The following RPS6KA2 variants were observed in gnomAD, a reference collection of about 807,000 sequenced individuals.
RPS6KA2 encodes ribosomal protein S6 kinase A2, also known as ribosomal protein S6 kinase alpha-2.
RPS6KA2 carries 42 observed loss-of-function variants against 91.8 expected under a neutral mutation model. The ratio of observed to expected loss-of-function variants is 0.46; its 90% CI spans 0.36 to 0.59. The LOEUF is 0.59. Among genes scored for constraint, RPS6KA2 ranks in the 20% least tolerant of loss-of-function variants. The pLI, the probability that RPS6KA2 is intolerant of heterozygous loss-of-function variation, is 0.00. For synonymous variants in RPS6KA2, 414 were observed against 393.6 expected (o/e 1.05, Z -0.61); for missense variants, 798 against 978.5 (o/e 0.82, Z 2.46).
chr6:166,690,955 G>A (rs1417860071), intron 2 of RPS6KA2, among the ~76,000 whole-genome samples: 1 of 152,038 alleles, frequency 6.6e-6, no homozygotes, highest in Non-Finnish European at 1.5e-5. Context: ...TTACATGAAA[G>A]CATTAAATAA....
chr6:166,705,543 C>G (rs1260811776), intron 2 of RPS6KA2, among the ~76,000 whole-genome samples: 1 of 152,102 alleles, frequency 6.6e-6, no homozygotes, highest in East Asian at 1.9e-4. Flanking sequence ...AGCAAAGATG[C>G]CCATTAACAT....
chr6:166,756,676 C>A (rs1778018392), intron 2 of RPS6KA2, among the ~76,000 whole-genome samples: 1 of 151,960 alleles, frequency 6.6e-6, no homozygotes, highest in Non-Finnish European at 1.5e-5. Context: ...GGAGAAACCC[C>A]ATCTCTACTA....
At chr6:166,830,813 A>G (rs1045436920) in intron 2 of RPS6KA2, among the ~76,000 whole-genome samples, 25 of 152,146 alleles carry the variant, frequency 1.6e-4, no homozygotes, top group African/African-American at 5.1e-4. Context: ...GGGATCCCAG[A>G]GCCACAGCCT....
chr6:166,771,016 G>T, intron 2 of RPS6KA2: 2 of 926,814 alleles, frequency 2.2e-6, no homozygotes, highest in Non-Finnish European at 3.2e-6. Flanking sequence ...CACCAGGCCT[G>T]TGAGCTTTTT....
At chr6:166,682,906 G>A (rs1447056390) in intron 2 of RPS6KA2, among the ~76,000 whole-genome samples, 1 of 152,216 alleles carries the variant, frequency 6.6e-6, no homozygotes, top group African/African-American at 2.4e-5. Context: ...GTGGGTTCCA[G>A]CTTTATAACC....
At chr6:166,497,946 C>A (rs957863315) in intron 8 of RPS6KA2, among the ~76,000 whole-genome samples, 1 of 152,166 alleles carries the variant, frequency 6.6e-6, no homozygotes, top group Non-Finnish European at 1.5e-5. Context: ...GGTCACCAGC[C>A]CCCTGCCCAG....
chr6:166,816,276 C>T (rs767619653), intron 2 of RPS6KA2, among the ~76,000 whole-genome samples: 3 of 151,388 alleles, frequency 2.0e-5, no homozygotes, highest in African/African-American at 4.8e-5. Flanking sequence ...TCAGGTGTGG[C>T]GGCTTACACC....
chr6:166,712,602 T>C (rs766732074), intron 2 of RPS6KA2, among the ~76,000 whole-genome samples: 7 of 152,186 alleles, frequency 4.6e-5, no homozygotes, highest in African/African-American at 7.2e-5. Flanking sequence ...TGTGGCAGCC[T>C]GGGGAGAGTG....
In RPS6KA2 at chr6:166,522,238, G is replaced by A. The variant is rs538307700; in HGVS notation, c.298+8994C>T. On this transcript the variant is annotated intron_variant, in intron 3 of 20. Coordinates refer to ENST00000265678, the MANE Select transcript of RPS6KA2 (RefSeq NM_021135.6). The stretch of plus-strand genomic sequence containing the variant: ...GGTGATAATACAAAAGAAAATTAAG[G>A]TTAAGATAAAATTAAATTAAATGCA... 2.5e-4 allele frequency among the ~76,000 whole-genome samples: 38 copies of A among 152,310 alleles called. No individual in the cohort carries two copies. In the South Asian group the frequency reaches 7.7e-3, roughly 31 times the overall value.
intron 2 of RPS6KA2, among the ~76,000 whole-genome samples, chr6:166,827,051 G>A (rs1780063732): frequency 6.6e-6 from 1 of 152,116 alleles, no homozygotes; most frequent in African/African-American, 2.4e-5. Flanking sequence ...TGGTCAAAGA[G>A]CACAAAGTGT....
intron 2 of RPS6KA2, among the ~76,000 whole-genome samples, chr6:166,805,230 T>C (rs73266885): frequency 0.011 from 1,728 of 152,318 alleles, 34 homozygotes; most frequent in African/African-American, 0.039. Context: ...TGGGCAGTTG[T>C]TCCTTTCGCA....
intron 2 of RPS6KA2, among the ~76,000 whole-genome samples, chr6:166,647,138 T>A (rs1787631702): frequency 1.3e-5 from 2 of 150,822 alleles, no homozygotes; most frequent in South Asian, 4.2e-4. Flanking sequence ...CAGTTCACCA[T>A]CTTTTTTGCC....
At chr6:166,436,163 G>A (rs1779295076) in intron 14 of RPS6KA2, among the ~76,000 whole-genome samples, 1 of 152,134 alleles carries the variant, frequency 6.6e-6, no homozygotes, top group Non-Finnish European at 1.5e-5. Flanking sequence ...ACACCGCCAG[G>A]CAAGGGACTA....
chr6:166,852,460 C>G lies in RPS6KA2; in HGVS notation c.123+5740G>C, dbSNP rs1231706849. ...TTTTTTTATGAGGAACAATGGAATT[C>G]TGTCTGGATTGCAGAGACATGAGAG... On this transcript the variant is annotated intron_variant, in intron 2 of 21. Coordinates refer to the RPS6KA2 transcript ENST00000503859. This position sits in a 1 kb window ranked among gnomAD's most constrained non-coding sequence, Gnocchi z 4.1. 6.6e-6 allele frequency among the ~76,000 whole-genome samples: 1 copy of G among 152,176 alleles called. No homozygotes were observed. Among genetic ancestry groups the G allele is most frequent in the Non-Finnish European group, 1.5e-5 (1 of 68,036 alleles).
chr6:166,674,655 G>A (rs1050799185), intron 2 of RPS6KA2, among the ~76,000 whole-genome samples: 8 of 152,192 alleles, frequency 5.3e-5, no homozygotes, highest in African/African-American at 7.2e-5. Context: ...TAAGCATCAT[G>A]ATGATGAAGA....
intron 1 of RPS6KA2, among the ~76,000 whole-genome samples, chr6:166,624,865 C>T (rs1045965267): frequency 6.6e-6 from 1 of 151,828 alleles, no homozygotes; most frequent in Non-Finnish European, 1.5e-5. Flanking sequence ...AGACAAGTCT[C>T]GCTCTCTCGC....
chr6:166,480,019 G>A (rs1453877953), intron 10 of RPS6KA2, among the ~76,000 whole-genome samples: 1 of 152,044 alleles, frequency 6.6e-6, no homozygotes, highest in African/African-American at 2.4e-5. Context: ...GGGTGATGTG[G>A]GTTTCAGCTT....
intron 1 of RPS6KA2, among the ~76,000 whole-genome samples, chr6:166,595,742 T>C (rs1171758115): frequency 6.6e-6 from 1 of 152,226 alleles, no homozygotes; most frequent in Non-Finnish European, 1.5e-5. Flanking sequence ...TGTCCTTACA[T>C]GATCTACCAG....
At chr6:166,820,802 C>T (rs1779887849) in intron 2 of RPS6KA2, among the ~76,000 whole-genome samples, 1 of 152,118 alleles carries the variant, frequency 6.6e-6, no homozygotes, top group South Asian at 2.1e-4. Context: ...AGTAAATTGC[C>T]TCCTTAACAA....
Sources: allele counts gnomAD v4.1 joint callset (sites outside exome capture counted in the v4.1 genomes callset), GRCh38; gene constraint gnomAD v4.1.1; non-coding constraint Gnocchi (gnomAD v3.1); transcripts MANE v1.5; gene names NCBI Gene and HGNC (gene_info 2026-07-23, HGNC 2026-07-21).